The following UNC13C variants were observed in gnomAD, a reference collection of about 807,000 sequenced individuals.
UNC13C encodes unc-13 homolog C.
UNC13C carries 174 observed loss-of-function variants against 245.4 expected under a neutral mutation model. The observed-to-expected ratio is 0.71, with a 90% CI of 0.63 to 0.80. The LOEUF is 0.80. Among genes scored for constraint, UNC13C ranks in the 30% least tolerant of loss-of-function variants. The pLI, the probability that UNC13C is intolerant of heterozygous loss-of-function variation, is 0.00. For synonymous variants in UNC13C, 992 were observed against 895.1 expected, an observed-to-expected ratio of 1.11 and a Z score of -1.93; for missense variants, 2,829 against 2,602.9, an observed-to-expected ratio of 1.09 and a Z score of -1.89.
chr15:54,196,964 A>G (rs567700230), intron 4 of UNC13C, among the ~76,000 whole-genome samples: 63 of 152,258 alleles, frequency 4.1e-4, no homozygotes, highest in African/African-American at 1.4e-3. Flanking sequence ...TGGAGATTCT[A>G]AGGAGCACCA....
chr15:53,913,528 A>C, the UNC13C span: 1 of 152,432 alleles, frequency 6.6e-6, no homozygotes, highest in East Asian at 1.9e-4. Context: ...TCATAAGAGC[A>C]TGGCAGGAAT....
At chr15:54,153,647 A>G (rs2032621188) in intron 4 of UNC13C, among the ~76,000 whole-genome samples, 1 of 152,120 alleles carries the variant, frequency 6.6e-6, no homozygotes, top group South Asian at 2.1e-4. Context: ...GTACACTTAC[A>G]TTATATTTTA....
At chr15:54,542,931 A>G (rs1156709186) in intron 26 of UNC13C, among the ~76,000 whole-genome samples, 1 of 152,006 alleles carries the variant, frequency 6.6e-6, no homozygotes, top group African/African-American at 2.4e-5. Flanking sequence ...CAGCACACTG[A>G]TGGGTCTTGA....
the UNC13C span, among the ~76,000 whole-genome samples, chr15:53,971,096 C>A: frequency 4.7e-4 from 72 of 152,244 alleles, no homozygotes; most frequent in African/African-American, 1.7e-3. Context: ...ACGCATTTCT[C>A]TAATGATTAG....
the UNC13C span, among the ~76,000 whole-genome samples, chr15:53,964,579 AC>A: frequency 6.6e-6 from 1 of 152,218 alleles, no homozygotes; most frequent in East Asian, 1.9e-4. Flanking sequence ...TTACTTTTGC[AC>A]CAACCTAATA....
the UNC13C span, chr15:53,911,022 A>C: frequency 6.6e-6 from 1 of 152,264 alleles, no homozygotes; most frequent in Non-Finnish European, 1.5e-5. Context: ...CCCAGTGGAA[A>C]CGCGGGAGGC....
chr15:54,388,404 C>T (rs189801404), intron 17 of UNC13C, among the ~76,000 whole-genome samples: 71 of 152,216 alleles, frequency 4.7e-4, no homozygotes, highest in Middle Eastern at 3.4e-3. Flanking sequence ...AGATCCACCC[C>T]ACACTGCTTG....
At chr15:53,969,308 GGA>G in the UNC13C span, among the ~76,000 whole-genome samples, 8 of 152,238 alleles carry the variant, frequency 5.3e-5, no homozygotes, top group African/African-American at 1.9e-4. Context: ...TGCTCAGGGT[GGA>G]GAGAGTTGCA....
chr15:54,275,959 G>A (rs1237202076), intron 10 of UNC13C, among the ~76,000 whole-genome samples: 1 of 152,144 alleles, frequency 6.6e-6, no homozygotes, highest in African/African-American at 2.4e-5. Context: ...GGAATGAGCT[G>A]TAGGTATACA....
At chr15:54,453,245 T>C (rs1189646260) in intron 19 of UNC13C, among the ~76,000 whole-genome samples, 1 of 152,190 alleles carries the variant, frequency 6.6e-6, no homozygotes, top group Non-Finnish European at 1.5e-5. Flanking sequence ...ATCACTCACT[T>C]ACCCTTTTCC....
chr15:54,308,072 T>C (rs2037773042), intron 13 of UNC13C, among the ~76,000 whole-genome samples: 1 of 151,996 alleles, frequency 6.6e-6, no homozygotes, highest in African/African-American at 2.4e-5. Context: ...TTGGTACTTC[T>C]TTCCAATCAC....
chr15:54,316,083 A>G (rs1275314649), intron 13 of UNC13C, among the ~76,000 whole-genome samples: 1 of 151,954 alleles, frequency 6.6e-6, no homozygotes, highest in African/African-American at 2.4e-5. Flanking sequence ...TTCCTAAGAC[A>G]TGTTGAAGAA....
intron 7 of UNC13C, among the ~76,000 whole-genome samples, chr15:54,239,354 G>A (rs2035791945): frequency 6.6e-6 from 1 of 152,152 alleles, no homozygotes; most frequent in African/African-American, 2.4e-5. Flanking sequence ...ACTATGTGGA[G>A]GCTACAACAA....
chr15:54,356,847 A>G (rs1431855357), intron 17 of UNC13C, among the ~76,000 whole-genome samples: 1 of 152,158 alleles, frequency 6.6e-6, no homozygotes, highest in Non-Finnish European at 1.5e-5. Context: ...TTCAATTTAC[A>G]TTTATCTAAA....
the UNC13C span, among the ~76,000 whole-genome samples, chr15:53,888,689 T>C: frequency 8.2e-4 from 125 of 152,292 alleles, no homozygotes; most frequent in African/African-American, 2.9e-3. Context: ...TTAGGTCTTA[T>C]GTTTAAGTCT....
At chr15:54,124,048 G>C (rs941670767) in intron 2 of UNC13C, among the ~76,000 whole-genome samples, 3 of 152,040 alleles carry the variant, frequency 2.0e-5, no homozygotes, top group Non-Finnish European at 1.5e-5. Flanking sequence ...TTTTACTGCT[G>C]ACTAGCGTCC....
intron 4 of UNC13C, among the ~76,000 whole-genome samples, chr15:54,186,799 C>G (rs1014671453): frequency 6.9e-6 from 1 of 145,508 alleles, no homozygotes; most frequent in African/African-American, 2.5e-5. Context: ...CCCTTAATTA[C>G]CACATTATCA....
In UNC13C at chr15:54,621,951, C is replaced by T. The variant is rs532257946; in HGVS notation, c.6107-376C>T. Among the ~76,000 whole-genome samples, 12 of 152,220 alleles carry T rather than the reference C, an allele frequency of 7.9e-5. No homozygotes were observed. In the East Asian group the frequency reaches 2.1e-3, roughly 27 times the overall value. ...AGCTACCTTTCTGTTCCCAGTGCTC[C>T]GGTATGGCACATTGTGGAAAAGCTC... On this transcript the variant is annotated intron_variant, in intron 30 of 32. Transcript: ENST00000260323.
chr15:54,355,142 T>C (rs1306753314), intron 17 of UNC13C, among the ~76,000 whole-genome samples: 1 of 151,368 alleles, frequency 6.6e-6, no homozygotes, highest in East Asian at 2.0e-4. Flanking sequence ...CTTGGACTTC[T>C]CAGCCTCTGC....
Sources: gnomAD v4.1 joint callset for allele counts (sites outside exome capture counted in the v4.1 genomes callset) on GRCh38, gnomAD v4.1.1 for gene constraint, MANE v1.5 for transcripts, NCBI Gene and HGNC (gene_info 2026-07-23, HGNC 2026-07-21) for gene names.